Variants in AUH observed in about 807,000 individuals in gnomAD.
The protein encoded by AUH is AU RNA binding methylglutaconyl-CoA hydratase, also known as methylglutaconyl-CoA hydratase, mitochondrial.
Under a neutral mutation model 42.3 loss-of-function variants are expected in AUH, and 29 were observed. The observed-to-expected ratio is 0.69, with a 90% CI of 0.51 to 0.93. The LOEUF is 0.93. AUH is among the 40% of genes least tolerant of loss of function. AUH has a pLI of 0.00. For missense variants in AUH, 452 were observed against 438.1 expected (o/e 1.03, Z -0.28); for synonymous variants, 174 against 166.4 (o/e 1.05, Z -0.35).
intron 4 of AUH, among the ~76,000 whole-genome samples, chr9:91,309,957 C>T (rs1828573465): frequency 1.3e-5 from 2 of 152,048 alleles, no homozygotes; most frequent in East Asian, 3.9e-4. Context: ...TCTACAGTAA[C>T]CCCCTAGGTG....
chr9:91,279,863 A>C (rs1354676544), intron 6 of AUH, among the ~76,000 whole-genome samples: 1 of 152,212 alleles, frequency 6.6e-6, no homozygotes, highest in Non-Finnish European at 1.5e-5. Flanking sequence ...ATGGCTAGTC[A>C]TCAGATGTTT....
At chr9:91,316,870 T>C (rs1055723570) in intron 4 of AUH, among the ~76,000 whole-genome samples, 1 of 152,232 alleles carries the variant, frequency 6.6e-6, no homozygotes, top group African/African-American at 2.4e-5. Context: ...GAATTGATGT[T>C]CTTAAGTTTA....
At chr9:91,307,279 T>C (rs1587824724) in intron 4 of AUH, among the ~76,000 whole-genome samples, 1 of 152,218 alleles carries the variant, frequency 6.6e-6, no homozygotes, top group East Asian at 1.9e-4. Context: ...ATGATCTAAT[T>C]GATCTGAAAA....
intron 6 of AUH, among the ~76,000 whole-genome samples, chr9:91,280,553 C>T (rs1373224435): frequency 1.3e-5 from 2 of 152,142 alleles, no homozygotes; most frequent in East Asian, 1.9e-4. Flanking sequence ...CCATTACTTA[C>T]ATAATTTGAA....
At chr9:91,263,349 A>C (rs558984867) in intron 6 of AUH, among the ~76,000 whole-genome samples, 54 of 152,346 alleles carry the variant, frequency 3.5e-4, no homozygotes, top group Non-Finnish European at 6.0e-4. Flanking sequence ...AAAAAGCACA[A>C]ATGTTTTCAG....
chr9:91,228,537 TTG>T (rs1362047308), intron 6 of AUH, among the ~76,000 whole-genome samples: 4 of 148,964 alleles, frequency 2.7e-5, no homozygotes, highest in Admixed American at 2.0e-4. Context: ...CAAGGGTTTT[TTG>T]TGTCTCTATT....
intron 3 of AUH, among the ~76,000 whole-genome samples, chr9:91,327,031 T>C (rs1465968702): frequency 1.3e-5 from 2 of 152,160 alleles, no homozygotes; most frequent in Admixed American, 1.3e-4. Flanking sequence ...CTGAGTTCAT[T>C]CACTCTCCTA....
At chr9:91,226,042 T>C (rs2131254002) in intron 6 of AUH, among the ~76,000 whole-genome samples, 1 of 147,564 alleles carries the variant, frequency 6.8e-6, no homozygotes, top group South Asian at 2.2e-4. Flanking sequence ...GCAGCATGAT[T>C]TATAGTCCTT....
At chr9:91,345,377 TCAATATACTAG>T (rs1295207795) in intron 3 of AUH, among the ~76,000 whole-genome samples, 16 of 152,018 alleles carry the variant, frequency 1.1e-4, no homozygotes, top group African/African-American at 3.4e-4. Context: ...TATACAAAAA[TCAATATACTAG>T]CAATATACTA....
intron 7 of AUH, 46 bp downstream of exon 7, chr9:91,220,759 A>C: frequency 6.2e-7 from 1 of 1,604,024 alleles, no homozygotes; most frequent in Non-Finnish European, 8.5e-7. Flanking sequence ...AAGTGTTATA[A>C]TGTTTCCTAA....
At chr9:91,337,399 A>C (rs964435025) in intron 3 of AUH, among the ~76,000 whole-genome samples, 3 of 152,146 alleles carry the variant, frequency 2.0e-5, no homozygotes, top group Non-Finnish European at 4.4e-5. Flanking sequence ...AACTCCCCAC[A>C]GTCCATATAC....
rs79303853 is a variant in AUH at position 91,308,977 on chromosome 9, C to T, written c.506-10901G>A. Among the ~76,000 whole-genome samples, 151 of 151,670 alleles carry T rather than the reference C, an allele frequency of 1.0e-3. 2 individuals are homozygous for T. The highest frequency in any genetic ancestry group is 3.5e-3 in the African/African-American group (146 of 41,430). On this transcript the variant is annotated intron_variant, in intron 4 of 9. Coordinates refer to ENST00000375731, the MANE Select transcript of AUH (RefSeq NM_001698.3). The stretch of plus-strand genomic sequence containing the variant: ...GGCTAATTTTTTGTACTTTTAGCAG[C>T]GATGGGGTTTCACCCTGTTGGCCAG...
intron 3 of AUH, among the ~76,000 whole-genome samples, chr9:91,336,212 T>C (rs947723538): frequency 2.6e-5 from 4 of 152,048 alleles, no homozygotes; most frequent in African/African-American, 9.7e-5. Flanking sequence ...TGCATATATA[T>C]GTATATACAC....
intron 3 of AUH, among the ~76,000 whole-genome samples, chr9:91,340,709 A>G (rs1201806955): frequency 6.6e-6 from 1 of 152,198 alleles, no homozygotes; most frequent in Non-Finnish European, 1.5e-5. Flanking sequence ...ATGTCAAGAA[A>G]AACAGCCTCC....
At chr9:91,287,386 C>T (rs374800707) in intron 6 of AUH, among the ~76,000 whole-genome samples, 15 of 152,246 alleles carry the variant, frequency 9.9e-5, no homozygotes, top group African/African-American at 3.4e-4. Flanking sequence ...CTAAATGCAA[C>T]GTGGAGGCCT....
chr9:91,255,215 G>A lies in AUH; in HGVS notation c.656-34223C>T, dbSNP rs1032960140. Reference sequence around the variant, plus strand: ...AATGTTGGCATGATATTAACCCTCAGATGAGTAAATATAGTCACAGTTAAA... The same window carrying A: ...AATGTTGGCATGATATTAACCCTCAAATGAGTAAATATAGTCACAGTTAAA... On this transcript the variant is annotated intron_variant, in intron 6 of 9. Transcript: ENST00000375731. Among the ~76,000 whole-genome samples, 4 of 152,142 alleles carry A rather than the reference G, an allele frequency of 2.6e-5. 1 individual carries two copies. The highest frequency in any genetic ancestry group is 2.6e-4 in the Admixed American group (4 of 15,278).
chr9:91,220,242 G>A (rs1435116278), intron 7 of AUH, among the ~76,000 whole-genome samples: 1 of 152,226 alleles, frequency 6.6e-6, no homozygotes, highest in African/African-American at 2.4e-5. Flanking sequence ...GTGTAGTTGT[G>A]AGGAAGCACA....
chr9:91,238,372 A>C (rs1318390501), intron 6 of AUH, among the ~76,000 whole-genome samples: 1 of 152,214 alleles, frequency 6.6e-6, no homozygotes, highest in East Asian at 1.9e-4. Context: ...CCACTGACTA[A>C]GTACTGGACA....
chr9:91,279,382 A>G (rs149799820), intron 6 of AUH, among the ~76,000 whole-genome samples: 1 of 152,328 alleles, frequency 6.6e-6, no homozygotes, highest in East Asian at 1.9e-4. Context: ...TGGGATTTCC[A>G]ACAGTATTAG....
Sources: gnomAD v4.1 joint callset for allele counts (sites outside exome capture counted in the v4.1 genomes callset) on GRCh38, gnomAD v4.1.1 for gene constraint, MANE v1.5 for transcripts, NCBI Gene and HGNC (gene_info 2026-07-23, HGNC 2026-07-21) for gene names.